The following UBE2E2 variants were observed in gnomAD, a reference collection of about 807,000 sequenced individuals.
UBE2E2 encodes ubiquitin-conjugating enzyme E2 E2.
Under a neutral mutation model 24.7 loss-of-function variants are expected in UBE2E2, and 6 were observed. That is an observed-to-expected ratio of 0.24 (90% CI 0.13 to 0.48). The LOEUF (loss-of-function observed/expected upper bound fraction) is 0.48, where lower values mean the gene tolerates loss of function less well. UBE2E2 is among the 20% of genes least tolerant of loss of function. The probability of loss-of-function intolerance (pLI) is 0.99; values close to 1 mark genes in which losing one functional copy is unlikely to be tolerated. For missense variants in UBE2E2, 169 were observed against 245.0 expected, an observed-to-expected ratio of 0.69 and a Z score of 2.07; for synonymous variants, 104 against 83.6, an observed-to-expected ratio of 1.24 and a Z score of -1.33.
chr3:23,365,025 G>A (rs370608327), intron 3 of UBE2E2, among the ~76,000 whole-genome samples: 1 of 152,036 alleles, frequency 6.6e-6, no homozygotes, highest in Non-Finnish European at 1.5e-5. Context: ...AAAATCACAT[G>A]ATCCTCTAAA....
In UBE2E2 at chr3:23,507,332, G is replaced by A. The variant is rs148299817; in HGVS notation, c.360+7592G>A. Reference sequence around the variant, plus strand: ...TTTGCTATAGCACCTCTCCCTCTTGGTGTTATATATTTCTTTGTTTATTTA... The same window carrying A: ...TTTGCTATAGCACCTCTCCCTCTTGATGTTATATATTTCTTTGTTTATTTA... On this transcript the variant is annotated intron_variant, in intron 4 of 5. Coordinates refer to ENST00000396703, the MANE Select transcript of UBE2E2 (RefSeq NM_152653.4). Among the ~76,000 whole-genome samples the A allele has an allele frequency of 2.2e-3, 331 of 152,080 alleles. 3 individuals are homozygous for A. Among genetic ancestry groups the A allele is most frequent in the East Asian group, 0.017 (88 of 5,176 alleles).
chr3:23,335,274 G>A (rs754224685), intron 3 of UBE2E2, among the ~76,000 whole-genome samples: 10 of 152,018 alleles, frequency 6.6e-5, no homozygotes, highest in Non-Finnish European at 1.3e-4. Context: ...TGGTAAAGAC[G>A]AAGAAAAAAT....
chr3:23,293,349 T>C (rs9815299), intron 3 of UBE2E2, among the ~76,000 whole-genome samples: 128,037 of 152,216 alleles, frequency 0.84, 53,959 homozygotes, highest in African/African-American at 0.9. Context: ...TGAACTTCAT[T>C]TAGGACTTGC....
At chr3:23,329,574 T>A (rs1047864971) in intron 3 of UBE2E2, among the ~76,000 whole-genome samples, 1 of 152,238 alleles carries the variant, frequency 6.6e-6, no homozygotes, top group Non-Finnish European at 1.5e-5. Context: ...TATTATTGTT[T>A]CCATTGGTAT....
At position 23,219,576 on chromosome 3, in the gene UBE2E2, A is replaced by G. The variant is rs138598649; in HGVS notation, c.227+2264A>G. Among the ~76,000 whole-genome samples, 228 of 152,278 alleles carry G rather than the reference A, an allele frequency of 1.5e-3. 1 individual carries two copies. Among genetic ancestry groups the G allele is most frequent in the African/African-American group, 5.2e-3 (216 of 41,554 alleles). Reference sequence around the variant, plus strand: ...TGCCTGCATTGGCCTAATGACTGTAATGGATTAATTTATCAAAATAGAGCA... The same window carrying G: ...TGCCTGCATTGGCCTAATGACTGTAGTGGATTAATTTATCAAAATAGAGCA... On this transcript the variant is annotated intron_variant, in intron 3 of 5. Transcript: ENST00000396703.
At chr3:23,218,110 C>T (rs149994494) in intron 3 of UBE2E2, among the ~76,000 whole-genome samples, 4 of 151,882 alleles carry the variant, frequency 2.6e-5, no homozygotes, top group East Asian at 1.9e-4. Context: ...GTGAGAGGGC[C>T]GATTAAATAA....
At chr3:23,566,832 A>G (rs904204389) in intron 5 of UBE2E2, among the ~76,000 whole-genome samples, 7 of 152,314 alleles carry the variant, frequency 4.6e-5, no homozygotes, top group African/African-American at 1.7e-4. Flanking sequence ...TACCCAAACC[A>G]TATCAAGAAA....
rs556939879 is a variant in UBE2E2, at chr3:23,260,771, A to G, written c.227+43459A>G. Among the ~76,000 whole-genome samples, 29 of 152,274 alleles carry G rather than the reference A, an allele frequency of 1.9e-4. No individual in the cohort carries two copies. The South Asian group carries it at 6.0e-3, about 32-fold the overall frequency. On this transcript the variant is annotated intron_variant, in intron 3 of 5. Coordinates refer to ENST00000396703, the MANE Select transcript of UBE2E2 (RefSeq NM_152653.4). ...TTGCACCTTGGCAGTCCACCTGGGCAACAGAGTGAAACCCTGTCTCAGGTG... is the reference window on the plus strand; with the variant it reads ...TTGCACCTTGGCAGTCCACCTGGGCGACAGAGTGAAACCCTGTCTCAGGTG...
At chr3:23,542,016 G>T (rs1375017944) in intron 5 of UBE2E2, among the ~76,000 whole-genome samples, 1 of 152,170 alleles carries the variant, frequency 6.6e-6, no homozygotes, top group East Asian at 1.9e-4. Flanking sequence ...GCCTAGAGAA[G>T]ATGTCTTCAT....
At position 23,485,384 on chromosome 3, in the gene UBE2E2, T is replaced by C. The variant is rs1395381277; in HGVS notation, c.228-14224T>C. 2.0e-4 allele frequency among the ~76,000 whole-genome samples: 31 copies of C among 152,148 alleles called. 1 individual carries two copies. The highest frequency in any genetic ancestry group is 2.0e-3 in the Admixed American group (30 of 15,288). ...AGTGTTGGGATTACAGGCATGAGCCTCCACGCCTGGCCTCAACACTACCTC... is the reference window on the plus strand; with the variant it reads ...AGTGTTGGGATTACAGGCATGAGCCCCCACGCCTGGCCTCAACACTACCTC... On this transcript the variant is annotated intron_variant, in intron 3 of 5. Coordinates refer to ENST00000396703, the MANE Select transcript of UBE2E2 (RefSeq NM_152653.4).
At chr3:23,236,426 T>C (rs939237733) in intron 3 of UBE2E2, among the ~76,000 whole-genome samples, 11 of 151,764 alleles carry the variant, frequency 7.2e-5, no homozygotes, top group Non-Finnish European at 1.3e-4. Context: ...TCTGTTCGTC[T>C]GAATGTTGTC....
chr3:23,243,085 C>CAA (rs559311463), intron 3 of UBE2E2, among the ~76,000 whole-genome samples: 9 of 118,414 alleles, frequency 7.6e-5, no homozygotes, highest in Admixed American at 1.8e-4. Context: ...GACGCTGTTT[C>CAA]AAAAAAAAAA....
intron 2 of UBE2E2, among the ~76,000 whole-genome samples, chr3:23,214,715 G>C (rs1328887856): frequency 2.6e-5 from 4 of 151,654 alleles, no homozygotes; most frequent in Non-Finnish European, 4.4e-5. Flanking sequence ...CTATTCTTTT[G>C]GTTCTCTTAG....
chr3:23,443,547 C>G (rs1238735094), intron 3 of UBE2E2, among the ~76,000 whole-genome samples: 4 of 152,148 alleles, frequency 2.6e-5, no homozygotes, highest in Admixed American at 2.0e-4. Context: ...AAAGATTCAT[C>G]TTTCAGTATA....
intron 5 of UBE2E2, among the ~76,000 whole-genome samples, chr3:23,568,684 CAT>C (rs1240337400): frequency 9.5e-6 from 1 of 105,406 alleles, no homozygotes; most frequent in Non-Finnish European, 1.9e-5. Context: ...TATATGTATA[CAT>C]ATATACACAC....
At chr3:23,264,998 C>A (rs988299203) in intron 3 of UBE2E2, among the ~76,000 whole-genome samples, 1 of 152,080 alleles carries the variant, frequency 6.6e-6, no homozygotes, top group South Asian at 2.1e-4. Context: ...GTAGTAATAG[C>A]GTCAGTAGAG....
At chr3:23,305,226 CATT>C (rs1291096897) in intron 3 of UBE2E2, among the ~76,000 whole-genome samples, 1 of 152,206 alleles carries the variant, frequency 6.6e-6, no homozygotes, top group Non-Finnish European at 1.5e-5. Flanking sequence ...GTTTGTCCAT[CATT>C]GTTTCAATTA....
chr3:23,409,164 G>A (rs1697439994), intron 3 of UBE2E2, among the ~76,000 whole-genome samples: 1 of 152,132 alleles, frequency 6.6e-6, no homozygotes, highest in African/African-American at 2.4e-5. Flanking sequence ...TTTCTGCCAT[G>A]TGCCTTGGGA....
chr3:23,231,280 G>A (rs1696967509), intron 3 of UBE2E2, among the ~76,000 whole-genome samples: 1 of 152,132 alleles, frequency 6.6e-6, no homozygotes, highest in Non-Finnish European at 1.5e-5. Flanking sequence ...ACTTAAAGCA[G>A]CTTGTATACT....
Sources: allele counts gnomAD v4.1 joint callset (sites outside exome capture counted in the v4.1 genomes callset), GRCh38; gene constraint gnomAD v4.1.1; transcripts MANE v1.5; gene names NCBI Gene and HGNC (gene_info 2026-07-23, HGNC 2026-07-21).